Variants in STOX2 observed in about 807,000 individuals in gnomAD.
The protein encoded by STOX2 is storkhead-box protein 2.
STOX2 carries 28 observed loss-of-function variants against 60.9 expected under a neutral mutation model. The ratio of observed to expected loss-of-function variants is 0.46; its 90% CI spans 0.34 to 0.63. The LOEUF (loss-of-function observed/expected upper bound fraction) is 0.63. Ranked by LOEUF, STOX2 falls within the 30% of genes least tolerant of loss-of-function variation. STOX2 has a pLI of 0.01. For synonymous variants in STOX2, 472 were observed against 463.9 expected, an observed-to-expected ratio of 1.02 and a Z score of -0.22; for missense variants, 1,024 against 1,187.7, an observed-to-expected ratio of 0.86 and a Z score of 2.03.
intron 1 of STOX2, among the ~76,000 whole-genome samples, chr4:183,822,978 G>A (rs1239915478): frequency 2.6e-5 from 4 of 152,198 alleles, no homozygotes; most frequent in Non-Finnish European, 5.9e-5. Flanking sequence ...GCCTTCCTGT[G>A]TCCGACCCAT....
intron 1 of STOX2, among the ~76,000 whole-genome samples, chr4:183,799,381 ACTTG>A (rs1444765373): frequency 6.6e-6 from 1 of 152,208 alleles, no homozygotes. Context: ...CTGAGACTTA[ACTTG>A]CTTTTGCCCC....
chr4:183,891,484 A>T (rs1453864230), intron 1 of STOX2, among the ~76,000 whole-genome samples: 1 of 150,262 alleles, frequency 6.7e-6, no homozygotes, highest in Non-Finnish European at 1.5e-5. Context: ...GGAGACTATT[A>T]TTCTAAGTGA....
chr4:184,013,148 G>A (rs546939353), intron 3 of STOX2, among the ~76,000 whole-genome samples: 4 of 152,136 alleles, frequency 2.6e-5, no homozygotes, highest in East Asian at 1.9e-4. Context: ...GGAAGCTGCC[G>A]TACTAAAGAG....
intron 1 of STOX2, among the ~76,000 whole-genome samples, chr4:183,883,437 G>C (rs1446574015): frequency 2.7e-5 from 4 of 150,812 alleles, no homozygotes; most frequent in African/African-American, 7.3e-5. Flanking sequence ...CTCCTGCCAC[G>C]GCCTCCCGAG....
intron 1 of STOX2, among the ~76,000 whole-genome samples, chr4:183,857,555 C>T (rs1740330643): frequency 6.6e-6 from 1 of 152,170 alleles, no homozygotes; most frequent in African/African-American, 2.4e-5. Flanking sequence ...GCTTCTTAAT[C>T]TACTTATTTT....
Position 184,010,176 on chromosome 4 carries a change from G to A in STOX2, c.1338G>A (p.Leu446=). The A allele has an allele frequency of 6.4e-7, 1 of 1,556,548 alleles. No homozygotes were observed. Among genetic ancestry groups the A allele is most frequent in the Non-Finnish European group, 8.7e-7 (1 of 1,149,634 alleles). Residue 446 remains leucine, a synonymous_variant, in exon 3 of 4, where the codon TTG becomes TTA. Transcript: ENST00000308497. This position sits in a 1 kb window ranked among gnomAD's most constrained non-coding sequence, Gnocchi z 4.5. Reference sequence around the variant, plus strand: ...CAGAATGGGATGTGTCTGGTGAATTGGCTAAAAGGAGAACTGAGATGCCTT... The same window carrying A: ...CAGAATGGGATGTGTCTGGTGAATTAGCTAAAAGGAGAACTGAGATGCCTT... The part of the protein sequence containing the change: ...MTPEWDVSGE[L]AKRRTEMPFP...
chr4:183,807,576 G>C (rs1297798323), intron 1 of STOX2, among the ~76,000 whole-genome samples: 1 of 152,168 alleles, frequency 6.6e-6, no homozygotes, highest in Non-Finnish European at 1.5e-5. Context: ...GGGAACACTT[G>C]CGCTTTATCT....
chr4:183,897,237 T>G (rs1741358284), intron 1 of STOX2, among the ~76,000 whole-genome samples: 1 of 152,222 alleles, frequency 6.6e-6, no homozygotes. Flanking sequence ...TTCCGAAGCT[T>G]CTTGGTTTTC....
At position 184,017,149 on chromosome 4, in the gene STOX2, C is replaced by A. The variant is rs750148690; in HGVS notation, c.2646C>A (p.Asn882Lys). 6 of 1,613,874 alleles carry A rather than the reference C, an allele frequency of 3.7e-6. No individual in the cohort carries two copies. The highest frequency in any genetic ancestry group is 4.2e-6 in the Non-Finnish European group (5 of 1,179,838). The change falls in exon 4 of 4, where the codon AAC becomes AAA. Residue 882 changes from asparagine (N) to lysine (K), a missense_variant. Physicochemically the swap from Asn to Lys is moderately conservative, Grantham distance 94 (BLOSUM62 0). This residue lies in a region of STOX2 where 922 missense variants were observed against 1,058.3 expected (regional missense o/e 0.87). Transcript: ENST00000308497. ...TTGTTGAAAGTAACCGTCGTCAGAA[C>A]CCCGCTTTGAGCCCGGCCCATGGTG... is the stretch of plus-strand genomic sequence containing the variant. ...SSIVESNRRQ[N>K]PALSPAHGGA...
At chr4:183,828,258 G>A (rs551946596) in intron 1 of STOX2, among the ~76,000 whole-genome samples, 9 of 152,214 alleles carry the variant, frequency 5.9e-5, no homozygotes, top group Admixed American at 1.3e-4. Flanking sequence ...GAAACTGGCA[G>A]AGGGTGTTGG....
intron 1 of STOX2, among the ~76,000 whole-genome samples, chr4:183,936,773 T>A (rs1436598304): frequency 2.0e-5 from 3 of 152,220 alleles, no homozygotes; most frequent in African/African-American, 4.8e-5. Flanking sequence ...GTGTGCTGAG[T>A]CACAGTTTGT....
intron 1 of STOX2, among the ~76,000 whole-genome samples, chr4:183,887,388 A>C (rs1741109123): frequency 2.0e-5 from 3 of 152,114 alleles, no homozygotes; most frequent in African/African-American, 7.2e-5. Context: ...GTATTTGGAG[A>C]GATTATAGTA....
intron 1 of STOX2, among the ~76,000 whole-genome samples, chr4:183,853,032 C>G (rs1014127468): frequency 1.3e-5 from 2 of 152,142 alleles, no homozygotes; most frequent in African/African-American, 2.4e-5. Context: ...AATAATCGCA[C>G]GCAGGAACTT....
At chr4:183,874,641 T>TAC (rs1325115836) in intron 1 of STOX2, among the ~76,000 whole-genome samples, 1 of 151,180 alleles carries the variant, frequency 6.6e-6, no homozygotes, top group Non-Finnish European at 1.5e-5. Context: ...TATATATATA[T>TAC]ATTGGCCGGG....
Position 183,856,688 on chromosome 4 carries a change from G to A in STOX2, c.364+58633G>A, listed in dbSNP as rs1301543754. Among the ~76,000 whole-genome samples the A allele has an allele frequency of 6.6e-6, 1 of 152,210 alleles. No homozygotes were observed. Among genetic ancestry groups the A allele is most frequent in the African/African-American group, 2.4e-5 (1 of 41,450 alleles). The stretch of plus-strand genomic sequence containing the variant: ...GACCCCGGGGGATGATAGCTCCCTT[G>A]CCCAAGAATAATGGGGTGTTTTGTT... On this transcript the variant is annotated intron_variant, in intron 1 of 2. Transcript: ENST00000513034. The surrounding 1 kb of genome is among the most constrained non-coding windows in gnomAD (Gnocchi z 4.0).
chr4:183,818,919 G>C (rs1055754125), intron 1 of STOX2, among the ~76,000 whole-genome samples: 3 of 152,148 alleles, frequency 2.0e-5, no homozygotes, highest in Non-Finnish European at 2.9e-5. Flanking sequence ...ATGGCGGCCG[G>C]GAAGAGGCGG....
chr4:183,922,633 C>T (rs942318648), intron 1 of STOX2, among the ~76,000 whole-genome samples: 1 of 151,946 alleles, frequency 6.6e-6, no homozygotes, highest in African/African-American at 2.4e-5. Context: ...TGTGAGCCAC[C>T]GTGCCTGGCA....
At chr4:183,942,337 T>C (rs1448502846) in intron 1 of STOX2, among the ~76,000 whole-genome samples, 2 of 54,424 alleles carry the variant, frequency 3.7e-5, no homozygotes, top group Non-Finnish European at 8.5e-5. Context: ...GGCTTCTAGG[T>C]TTTTTTTTTT....
chr4:183,919,645 AC>A (rs2111099540), intron 1 of STOX2, among the ~76,000 whole-genome samples: 1 of 152,192 alleles, frequency 6.6e-6, no homozygotes, highest in Non-Finnish European at 1.5e-5. Flanking sequence ...TCACTTTGTC[AC>A]CCAGGCTGGA....
Sources: allele counts gnomAD v4.1 joint callset (sites outside exome capture counted in the v4.1 genomes callset), GRCh38; gene constraint gnomAD v4.1.1; regional missense constraint gnomAD v4.1.1; non-coding constraint Gnocchi (gnomAD v3.1); transcripts MANE v1.5; gene names NCBI Gene and HGNC (gene_info 2026-07-23, HGNC 2026-07-21).